CNTN4: variants seen among roughly 807,000 people sequenced by gnomAD.
CNTN4 encodes the protein contactin-4.
CNTN4 carries 77 observed loss-of-function variants against 122.5 expected under a neutral mutation model. The observed-to-expected ratio is 0.63, with a 90% CI of 0.52 to 0.76. CNTN4 has a LOEUF of 0.76. Among genes scored for constraint, CNTN4 ranks in the 30% least tolerant of loss-of-function variants. CNTN4 has a pLI of 0.00. For missense variants in CNTN4, 1,256 were observed against 1,259.1 expected (o/e 1.00, Z 0.04); for synonymous variants, 512 against 447.0 (o/e 1.15, Z -1.83).
At chr3:2,649,893 C>G (rs2150182866) in intron 4 of CNTN4, among the ~76,000 whole-genome samples, 1 of 151,832 alleles carries the variant, frequency 6.6e-6, no homozygotes, top group East Asian at 1.9e-4. Context: ...CTTTGAGAGG[C>G]TGAGGCAGGC....
chr3:2,173,910 A>G (rs1448911143), intron 2 of CNTN4, among the ~76,000 whole-genome samples: 1 of 152,206 alleles, frequency 6.6e-6, no homozygotes, highest in Non-Finnish European at 1.5e-5. Flanking sequence ...TAATTTCTCA[A>G]AGAGGGTAGC....
At chr3:2,640,843 A>G (rs2728075) in intron 4 of CNTN4, among the ~76,000 whole-genome samples, 80,428 of 151,988 alleles carry the variant, frequency 0.53, 22,131 homozygotes, top group East Asian at 0.71. Context: ...AGCTATTCCT[A>G]GGATTATAGG....
intron 2 of CNTN4, among the ~76,000 whole-genome samples, chr3:2,201,856 A>T (rs2038110321): frequency 6.6e-6 from 1 of 152,020 alleles, no homozygotes; most frequent in Non-Finnish European, 1.5e-5. Flanking sequence ...TGAGCCATTT[A>T]TGATAATATA....
intron 2 of CNTN4, among the ~76,000 whole-genome samples, chr3:2,184,285 C>T (rs1255492778): frequency 6.6e-6 from 1 of 152,108 alleles, no homozygotes; most frequent in Non-Finnish European, 1.5e-5. Context: ...CCACACCAGC[C>T]TGAAATTTTC....
chr3:2,929,734 A>G (rs1023554055), intron 13 of CNTN4, among the ~76,000 whole-genome samples: 1 of 152,102 alleles, frequency 6.6e-6, no homozygotes, highest in Non-Finnish European at 1.5e-5. Context: ...CTCTTTTCCA[A>G]TGTATCGCAA....
chr3:2,252,840 C>T (rs2040428194), intron 2 of CNTN4, among the ~76,000 whole-genome samples: 1 of 152,094 alleles, frequency 6.6e-6, no homozygotes, highest in Non-Finnish European at 1.5e-5. Flanking sequence ...CTTCAGAAAG[C>T]CAGATTGTCT....
At chr3:2,729,380 C>CGGTGAAACCCCGTCTCT in intron 4 of CNTN4, among the ~76,000 whole-genome samples, 24 of 148,516 alleles carry the variant, frequency 1.6e-4, no homozygotes, top group Middle Eastern at 3.5e-3. Flanking sequence ...CCGGCTAACA[C>CGGTGAAACCCCGTCTCT]AAAATTAACA....
chr3:2,562,220 A>G (rs1312497769), intron 3 of CNTN4, among the ~76,000 whole-genome samples: 1 of 152,146 alleles, frequency 6.6e-6, no homozygotes, highest in African/African-American at 2.4e-5. Flanking sequence ...TCTTAAGTCA[A>G]ACTTCATAAT....
intron 2 of CNTN4, among the ~76,000 whole-genome samples, chr3:2,202,477 T>G (rs2038144834): frequency 6.6e-6 from 1 of 152,158 alleles, no homozygotes; most frequent in Admixed American, 6.5e-5. Flanking sequence ...AATTTGTAAC[T>G]GGATTTGAAA....
At chr3:2,233,356 G>A (rs7638086) in intron 2 of CNTN4, among the ~76,000 whole-genome samples, 21,646 of 152,014 alleles carry the variant, frequency 0.14, 1,928 homozygotes, top group Non-Finnish European at 0.21. Context: ...CCACCGTATG[G>A]CCTCTACATA....
chr3:2,592,416 T>C (rs186900630), intron 4 of CNTN4, among the ~76,000 whole-genome samples: 13 of 152,356 alleles, frequency 8.5e-5, no homozygotes, highest in Admixed American at 7.2e-4. Flanking sequence ...TTTGGTTCTG[T>C]GTCCCCACCC....
intron 3 of CNTN4, among the ~76,000 whole-genome samples, chr3:2,545,296 T>A (rs2078198591): frequency 6.6e-6 from 1 of 152,136 alleles, no homozygotes; most frequent in African/African-American, 2.4e-5. Flanking sequence ...GTGGTCAAAT[T>A]TAGAGTATGT....
intron 2 of CNTN4, among the ~76,000 whole-genome samples, chr3:2,316,496 G>C (rs957264563): frequency 6.6e-6 from 1 of 152,008 alleles, no homozygotes; most frequent in African/African-American, 2.4e-5. Context: ...AATAAATTAA[G>C]GTTTATAAAG....
Position 2,258,926 on chromosome 3 carries a change from G to T in CNTN4, c.-144-80252G>T, listed in dbSNP as rs1231228846. 2.0e-5 allele frequency among the ~76,000 whole-genome samples: 3 copies of T among 152,228 alleles called. No homozygotes were observed. The East Asian group carries it at 5.8e-4, about 29-fold the overall frequency. ...AGAACTGTGTGGCCTAAGAGGGATT[G>T]ATTGTGTACTCTTACATTATTCTTT... On this transcript the variant is annotated intron_variant, in intron 2 of 24. Transcript: ENST00000418658.
chr3:2,855,042 C>T (rs138165241), intron 7 of CNTN4, among the ~76,000 whole-genome samples: 68 of 152,306 alleles, frequency 4.5e-4, no homozygotes, highest in African/African-American at 1.6e-3. Context: ...GTGACCCGTA[C>T]AATACTGATA....
At chr3:2,961,022 A>G (rs1201472856) in intron 13 of CNTN4, among the ~76,000 whole-genome samples, 81 of 123,926 alleles carry the variant, frequency 6.5e-4, no homozygotes, top group Admixed American at 1.4e-3. Context: ...CGAGGTCAGG[A>G]GATCGAGACC....
intron 7 of CNTN4, among the ~76,000 whole-genome samples, chr3:2,827,497 T>A (rs546062068): frequency 6.6e-6 from 1 of 152,236 alleles, no homozygotes; most frequent in Non-Finnish European, 1.5e-5. Context: ...TTTGGAGATA[T>A]GTGATTCTTG....
In CNTN4 at chr3:2,489,929, A is replaced by G. The variant is rs192735118; in HGVS notation, c.-88-81487A>G. Among the ~76,000 whole-genome samples the G allele has an allele frequency of 6.6e-4, 100 of 152,316 alleles. No individual in the cohort carries two copies. In the East Asian group the frequency reaches 0.013, roughly 20 times the overall value. On this transcript the variant is annotated intron_variant, in intron 3 of 24. Coordinates refer to ENST00000418658, the MANE Select transcript of CNTN4 (RefSeq NM_175607.3). ...GATGTATGTATGTCTCGTATAAAAC[A>G]TACAGTCTATTCTGCCATTTTATAT... is the stretch of plus-strand genomic sequence containing the variant.
At chr3:2,768,147 T>G (rs1230094884) in intron 6 of CNTN4, among the ~76,000 whole-genome samples, 1 of 152,208 alleles carries the variant, frequency 6.6e-6, no homozygotes, top group Admixed American at 6.5e-5. Context: ...TGCTGGAAAT[T>G]AAACATCACA....
Sources: allele counts gnomAD v4.1 joint callset (sites outside exome capture counted in the v4.1 genomes callset), GRCh38; gene constraint gnomAD v4.1.1; transcripts MANE v1.5; gene names NCBI Gene and HGNC (gene_info 2026-07-23, HGNC 2026-07-21).